FILIP1L: variants seen among roughly 807,000 people sequenced by gnomAD.
The protein encoded by FILIP1L is filamin A-interacting protein 1-like.
A neutral mutation model predicts 96.6 loss-of-function variants in FILIP1L; 55 were observed. The observed-to-expected ratio is 0.57, with a 90% CI of 0.46 to 0.71. FILIP1L has a LOEUF of 0.71. Ranked by LOEUF, FILIP1L falls within the 30% of genes least tolerant of loss-of-function variation. The pLI, the probability that FILIP1L is intolerant of heterozygous loss-of-function variation, is 0.00. For missense variants in FILIP1L, 1,304 were observed against 1,321.2 expected (o/e 0.99, Z 0.20); for synonymous variants, 467 against 473.9 (o/e 0.99, Z 0.19).
chr3:100,031,637 C>T (rs562602368), intron 1 of FILIP1L, among the ~76,000 whole-genome samples: 2 of 152,122 alleles, frequency 1.3e-5, no homozygotes, highest in South Asian at 2.1e-4. Context: ...TTTTAACTAA[C>T]GCATTCTCTC....
chr3:100,015,250 A>G (rs1432045998), intron 1 of FILIP1L, among the ~76,000 whole-genome samples: 1 of 151,840 alleles, frequency 6.6e-6, no homozygotes, highest in Non-Finnish European at 1.5e-5. Context: ...CCCTTGGATT[A>G]TATGTTTGTT....
chr3:100,084,392 T>C lies in FILIP1L; in HGVS notation c.-11+29661A>G, dbSNP rs1001094567. On this transcript the variant is annotated intron_variant, in intron 1 of 5. Coordinates refer to ENST00000477258, the MANE Select transcript of FILIP1L (RefSeq NM_001387850.1). ...AAACTAGTTAATTTGGACCTAAATA[T>C]GAATTTTGATCAAGGCTGCTTGCAA... Among the ~76,000 whole-genome samples, 5 of 152,346 alleles carry C rather than the reference T, an allele frequency of 3.3e-5. No homozygotes were observed. In the South Asian group the frequency reaches 1.0e-3, roughly 32 times the overall value.
intron 1 of FILIP1L, among the ~76,000 whole-genome samples, chr3:100,010,765 C>A (rs1017515926): frequency 2.7e-5 from 4 of 148,352 alleles, no homozygotes; most frequent in African/African-American, 5.0e-5. Flanking sequence ...CAGGTGCGCG[C>A]CTCCACGCCC....
chr3:100,072,706 C>G (rs7431827), intron 1 of FILIP1L, among the ~76,000 whole-genome samples: 125,782 of 152,194 alleles, frequency 0.83, 52,016 homozygotes, highest in East Asian at 0.88. Context: ...TACAGATTAT[C>G]TACTGGACAG....
intron 4 of FILIP1L, among the ~76,000 whole-genome samples, chr3:99,858,488 A>C (rs1330092779): frequency 2.0e-5 from 3 of 152,242 alleles, no homozygotes; most frequent in Non-Finnish European, 4.4e-5. Context: ...AAAAAAAATC[A>C]TTTGTTAAAA....
intron 4 of FILIP1L, among the ~76,000 whole-genome samples, chr3:99,875,577 C>T (rs888046137): frequency 2.6e-5 from 4 of 152,238 alleles, no homozygotes; most frequent in East Asian, 1.9e-4. Context: ...AAGTTAGATT[C>T]GTCTTAATTC....
At chr3:99,942,507 A>G (rs572033280) in intron 1 of FILIP1L, among the ~76,000 whole-genome samples, 110 of 152,348 alleles carry the variant, frequency 7.2e-4, no homozygotes, top group African/African-American at 2.3e-3. Flanking sequence ...AGAAAGCACT[A>G]GGCACATATT....
intron 1 of FILIP1L, among the ~76,000 whole-genome samples, chr3:100,038,418 T>G (rs2065146299): frequency 6.6e-6 from 1 of 152,200 alleles, no homozygotes; most frequent in African/African-American, 2.4e-5. Context: ...CCAAATTATT[T>G]CTTTTTTCAC....
intron 1 of FILIP1L, among the ~76,000 whole-genome samples, chr3:99,987,465 G>C (rs576442461): frequency 1.3e-5 from 2 of 149,900 alleles, no homozygotes; most frequent in East Asian, 3.9e-4. Context: ...GGAGGCAGAG[G>C]TTGCAGTGAG....
At chr3:99,949,726 G>A (rs187515076) in intron 1 of FILIP1L, among the ~76,000 whole-genome samples, 11 of 152,196 alleles carry the variant, frequency 7.2e-5, no homozygotes, top group Non-Finnish European at 8.8e-5. Flanking sequence ...TGAAATATTT[G>A]TAGTGGTTCT....
intron 1 of FILIP1L, among the ~76,000 whole-genome samples, chr3:99,978,074 A>C (rs1173832789): frequency 6.6e-6 from 1 of 152,222 alleles, no homozygotes; most frequent in Non-Finnish European, 1.5e-5. Flanking sequence ...ACGTTTCAAA[A>C]GAAAACATTT....
intron 1 of FILIP1L, among the ~76,000 whole-genome samples, chr3:99,972,704 G>A (rs981407708): frequency 6.6e-6 from 1 of 152,168 alleles, no homozygotes; most frequent in Non-Finnish European, 1.5e-5. Flanking sequence ...GAACTGCATG[G>A]GAAAGCCAGA....
chr3:99,912,130 C>T lies in FILIP1L; in HGVS notation c.605+12100G>A, dbSNP rs370996439. On this transcript the variant is annotated intron_variant, in intron 4 of 5. Transcript: ENST00000477258. The stretch of plus-strand genomic sequence containing the variant: ...CATTTAAATCAATCAAGTTATACAT[C>T]CATACTGACCTTTTTGGTTTTATTC... Among the ~76,000 whole-genome samples, 54 of 152,274 alleles carry T rather than the reference C, an allele frequency of 3.5e-4. 2 individuals carry two copies. The South Asian group carries it at 7.1e-3, about 20-fold the overall frequency.
intron 4 of FILIP1L, among the ~76,000 whole-genome samples, chr3:99,861,344 G>A (rs1944242770): frequency 6.6e-6 from 1 of 152,146 alleles, no homozygotes; most frequent in Non-Finnish European, 1.5e-5. Flanking sequence ...GTCCCTCTAG[G>A]GAGAAGTATC....
At chr3:99,839,978 G>A (rs557717818) in intron 5 of FILIP1L, among the ~76,000 whole-genome samples, 19 of 152,212 alleles carry the variant, frequency 1.2e-4, no homozygotes, top group African/African-American at 3.6e-4. Flanking sequence ...ACCAGAGGGC[G>A]ATTTTGCCCT....
intron 4 of FILIP1L, among the ~76,000 whole-genome samples, chr3:99,860,913 T>A (rs1559663959): frequency 2.6e-5 from 4 of 152,218 alleles, no homozygotes; most frequent in South Asian, 2.1e-4. Context: ...ACTCTTTTAA[T>A]TTTTCTTATT....
intron 4 of FILIP1L, among the ~76,000 whole-genome samples, chr3:99,916,086 G>T (rs1243881927): frequency 6.6e-6 from 1 of 152,176 alleles, no homozygotes; most frequent in South Asian, 2.1e-4. Context: ...TTATTTTGAG[G>T]TGTATCTGTG....
At chr3:99,846,676 C>T (rs1400160119) in intron 5 of FILIP1L, among the ~76,000 whole-genome samples, 1 of 152,142 alleles carries the variant, frequency 6.6e-6, no homozygotes, top group Non-Finnish European at 1.5e-5. Context: ...CAGTTCGTCA[C>T]CATGGAAGTG....
At chr3:100,080,995 C>T (rs555230736) in intron 1 of FILIP1L, among the ~76,000 whole-genome samples, 1 of 152,256 alleles carries the variant, frequency 6.6e-6, no homozygotes, top group Non-Finnish European at 1.5e-5. Flanking sequence ...GTATTTATGT[C>T]ATTATTTATT....
Sources: gnomAD v4.1 joint callset for allele counts (sites outside exome capture counted in the v4.1 genomes callset) on GRCh38, gnomAD v4.1.1 for gene constraint, MANE v1.5 for transcripts, NCBI Gene and HGNC (gene_info 2026-07-23, HGNC 2026-07-21) for gene names.